Variants in KDELR1 observed in about 807,000 individuals in gnomAD.
KDELR1 encodes the protein ER lumen protein-retaining receptor 1.
KDELR1 carries 16 observed loss-of-function variants against 25.5 expected under a neutral mutation model. That is an observed-to-expected ratio of 0.63 (90% CI 0.43 to 0.95). The LOEUF is 0.95. Among genes scored for constraint, KDELR1 ranks in the 40% least tolerant of loss-of-function variants. The probability of loss-of-function intolerance (pLI) is 0.00; values close to 1 mark genes in which losing one functional copy is unlikely to be tolerated. For missense variants in KDELR1, 159 were observed against 265.2 expected (o/e 0.60, Z 2.78); for synonymous variants, 121 against 115.0 (o/e 1.05, Z -0.33).
At chr19:48,395,937 G>A (rs1378152379), upstream of KDELR1, among the ~76,000 whole-genome samples, 8 of 151,898 alleles carry the variant, frequency 5.3e-5, no homozygotes. Flanking sequence ...CTGGCCTCCT[G>A]GGTCCTGGGA....
At chr19:48,396,373 C>T (rs1006252945), upstream of KDELR1, among the ~76,000 whole-genome samples, 2 of 152,040 alleles carry the variant, frequency 1.3e-5, no homozygotes, top group Admixed American at 1.3e-4. Context: ...GGGCCGGGGG[C>T]TGCCCTCCTG....
rs1970480434 is a variant in KDELR1 at position 48,384,573 on chromosome 19, G to A, written c.352-91C>T. ...CATTGCAGTTACAGGTGCCGCGAAG[G>A]TGGAGAGAAGGAAGGTGATCCAGGT... On this transcript the variant is annotated intron_variant, in intron 3 of 4. Coordinates refer to ENST00000330720, the MANE Select transcript of KDELR1 (RefSeq NM_006801.3). This position sits in a 1 kb window ranked among gnomAD's most constrained non-coding sequence, Gnocchi z 4.6. 6.8e-7 allele frequency: 1 copy of A among 1,466,108 alleles called. No individual in the cohort carries two copies. The highest frequency in any genetic ancestry group is 2.5e-5 in the East Asian group (1 of 40,646). The allele number at this position is 1,466,108 out of a possible 1,614,324, so 90.8% of individuals were successfully genotyped here. A position where few individuals can be genotyped will look rare whatever the true frequency, so the allele number is the denominator to read the frequency against.
upstream of KDELR1, among the ~76,000 whole-genome samples, chr19:48,392,809 G>A (rs757977671): frequency 1.2e-4 from 18 of 152,074 alleles, no homozygotes; most frequent in African/African-American, 4.3e-4. Context: ...CAGAGGCCCC[G>A]GTGTCCTGCC....
the KDELR1 span, among the ~76,000 whole-genome samples, chr19:48,397,288 CTT>C: frequency 2.6e-5 from 4 of 152,088 alleles, no homozygotes; most frequent in African/African-American, 7.2e-5. Flanking sequence ...TAATTTCTCT[CTT>C]TCTCTCCCCA....
At chr19:48,396,105 A>T (rs144139581), upstream of KDELR1, among the ~76,000 whole-genome samples, 1 of 151,824 alleles carries the variant, frequency 6.6e-6, no homozygotes, top group Non-Finnish European at 1.5e-5. Context: ...AGGGCAGGAG[A>T]TGAGTGTTGG....
intron 2 of KDELR1, chr19:48,390,097 C>A (rs1970532107): frequency 3.2e-6 from 1 of 316,770 alleles, no homozygotes; most frequent in African/African-American, 2.4e-5. Flanking sequence ...CCCTCAGACC[C>A]AAGAGTCCAG....
chr19:48,391,211 G>C (rs1471008198), intron 1 of KDELR1, 57 bp downstream of exon 1: 2 of 1,458,246 alleles, frequency 1.4e-6, no homozygotes, highest in African/African-American at 2.8e-5. Flanking sequence ...GTCCTGCGAC[G>C]TCCCCCAACC....
chr19:48,394,155 G>A (rs1970601010), upstream of KDELR1, among the ~76,000 whole-genome samples: 2 of 152,066 alleles, frequency 1.3e-5, no homozygotes, highest in Admixed American at 1.3e-4. This position sits in a 1 kb window ranked among gnomAD's most constrained non-coding sequence, Gnocchi z 5.1. Context: ...AGCAGTGGCA[G>A]CCTGGCCCCC....
intron 3 of KDELR1, among the ~76,000 whole-genome samples, chr19:48,386,421 A>AT (rs1013804920): frequency 7.4e-6 from 1 of 135,718 alleles, no homozygotes; most frequent in African/African-American, 2.8e-5. Context: ...CCAGTCTTGC[A>AT]TTTTTATCTA....
intron 3 of KDELR1, among the ~76,000 whole-genome samples, chr19:48,386,111 T>C (rs1313289281): frequency 7.2e-6 from 1 of 139,154 alleles, no homozygotes; most frequent in East Asian, 2.0e-4. Context: ...GGTCTGTTGC[T>C]TTTTTTTTTT....
chr19:48,383,105 A>G lies in KDELR1; in HGVS notation c.*188T>C. On this transcript the variant is annotated 3_prime_UTR_variant, in exon 5 of 5. Transcript: ENST00000330720. ...GTCTAAAAGGCAAAAAACTACAAAC[A>G]GCCCAAGTCCTGAGCTCCCCAAGAC... 1.7e-6 allele frequency: 1 copy of G among 602,076 alleles called. No individual in the cohort carries two copies. The highest frequency in any genetic ancestry group is 2.9e-6 in the Non-Finnish European group (1 of 342,154). 37.3% of individuals were successfully genotyped at this position (602,076 alleles called of 1,614,324 possible).
At chr19:48,387,068 A>G (rs1279691202) in intron 3 of KDELR1, among the ~76,000 whole-genome samples, 1 of 149,738 alleles carries the variant, frequency 6.7e-6, no homozygotes, top group Non-Finnish European at 1.5e-5. Context: ...AAGACTTAAA[A>G]AAAAAAAAAA....
At chr19:48,394,002 G>C (rs1249351540), upstream of KDELR1, among the ~76,000 whole-genome samples, 2 of 151,920 alleles carry the variant, frequency 1.3e-5, no homozygotes, top group Non-Finnish European at 2.9e-5. This position sits in a 1 kb window ranked among gnomAD's most constrained non-coding sequence, Gnocchi z 5.1. Context: ...GGGTGTCGTG[G>C]GGCTCCCGCT....
chr19:48,393,912 G>T (rs1337390097), upstream of KDELR1, among the ~76,000 whole-genome samples: 1 of 152,054 alleles, frequency 6.6e-6, no homozygotes, highest in African/African-American at 2.4e-5. This position sits in a 1 kb window ranked among gnomAD's most constrained non-coding sequence, Gnocchi z 5.6. Context: ...GCTGGTGGAG[G>T]GGGGGTGTGT....
chr19:48,383,222 A>C lies in KDELR1; in HGVS notation c.*71T>G. 1 of 1,489,576 alleles carries C rather than the reference A, an allele frequency of 6.7e-7. No homozygotes were observed. The highest frequency in any genetic ancestry group is 9.2e-7 in the Non-Finnish European group (1 of 1,090,856). 92.3% of individuals were successfully genotyped at this position (1,489,576 alleles called of 1,614,324 possible). ...TTAAAAAAGTCACCCCTGGATGGGAAAGCTCTTCATCTTCTGCCGCCTTCC... is the reference window on the plus strand; with the variant it reads ...TTAAAAAAGTCACCCCTGGATGGGACAGCTCTTCATCTTCTGCCGCCTTCC... On this transcript the variant is annotated 3_prime_UTR_variant, in exon 5 of 5. Coordinates refer to ENST00000330720, the MANE Select transcript of KDELR1 (RefSeq NM_006801.3).
rs140567662 is a variant in KDELR1 at position 48,387,534 on chromosome 19, T to A, written c.351+2019A>T. 7.9e-5 allele frequency among the ~76,000 whole-genome samples: 12 copies of A among 151,936 alleles called. No individual in the cohort carries two copies. In the East Asian group the frequency reaches 2.3e-3, roughly 29 times the overall value. On this transcript the variant is annotated intron_variant, in intron 3 of 4. Transcript: ENST00000330720. ...CCATCTCTACTAGAAACACAAAAAT[T>A]AGCCAGGCGTGGTGGCAAGCACCTG...
upstream of KDELR1, among the ~76,000 whole-genome samples, chr19:48,392,958 G>A (rs1032794054): frequency 1.3e-5 from 2 of 152,222 alleles, no homozygotes; most frequent in Non-Finnish European, 2.9e-5. Context: ...ATCTATGAGG[G>A]GACAGACGTG....
chr19:48,384,795 C>T lies in KDELR1; in HGVS notation c.352-313G>A, dbSNP rs922633137. Among the ~76,000 whole-genome samples the T allele has an allele frequency of 7.9e-5, 12 of 152,260 alleles. No individual in the cohort carries two copies. Among genetic ancestry groups the T allele is most frequent in the Admixed American group, 5.9e-4 (9 of 15,294 alleles). ...AGCAATGATTCGAACCAAGGATTCG[C>T]AGTCCGTTCTCATGAACACTTTGCA... On this transcript the variant is annotated intron_variant, in intron 3 of 4. Coordinates refer to ENST00000330720, the MANE Select transcript of KDELR1 (RefSeq NM_006801.3). The surrounding 1 kb of genome is among the most constrained non-coding windows in gnomAD (Gnocchi z 4.6).
At chr19:48,387,064 TAAAA>T (rs35835908) in intron 3 of KDELR1, among the ~76,000 whole-genome samples, 1 of 116,178 alleles carries the variant, frequency 8.6e-6, no homozygotes. Flanking sequence ...CAGCAAGACT[TAAAA>T]AAAAAAAAAA....
Sources: allele counts gnomAD v4.1 joint callset (sites outside exome capture counted in the v4.1 genomes callset), GRCh38; gene constraint gnomAD v4.1.1; non-coding constraint Gnocchi (gnomAD v3.1); transcripts MANE v1.5; gene names NCBI Gene and HGNC (gene_info 2026-07-23, HGNC 2026-07-21).